Variants in CSMD1 observed in about 807,000 individuals in gnomAD.
CSMD1 encodes the protein CUB and Sushi multiple domains 1.
CSMD1 carries 213 observed loss-of-function variants against 417.5 expected under a neutral mutation model. The observed-to-expected ratio is 0.51, with a 90% CI of 0.46 to 0.57. CSMD1 has a LOEUF of 0.57. Ranked by LOEUF, CSMD1 falls within the 20% of genes least tolerant of loss-of-function variation. The probability of loss-of-function intolerance (pLI) is 0.00; values close to 1 mark genes in which losing one functional copy is unlikely to be tolerated. For synonymous variants in CSMD1, 2,862 were observed against 1,736.8 expected (o/e 1.65, Z -16.11); for missense variants, 6,923 against 4,529.7 (o/e 1.53, Z -15.17).
chr8:3,742,366 C>T (rs1372958184), intron 6 of CSMD1, among the ~76,000 whole-genome samples: 2 of 152,028 alleles, frequency 1.3e-5, no homozygotes, highest in African/African-American at 2.4e-5. Context: ...GAATCTGACC[C>T]GAATATTTTT....
chr8:3,474,643 A>G lies in CSMD1; in HGVS notation c.1449-5819T>C, dbSNP rs1320743343. ...ATGCTTAGGAACTTAACTCTTGTTT[A>G]TATCAATTAGCCTAAGGGGAAATTG... On this transcript the variant is annotated intron_variant, in intron 11 of 69. Coordinates refer to ENST00000635120, the MANE Select transcript of CSMD1 (RefSeq NM_033225.6). Among the ~76,000 whole-genome samples, 3 of 152,198 alleles carry G rather than the reference A, an allele frequency of 2.0e-5. No homozygotes were observed. The East Asian group carries it at 5.8e-4, about 29-fold the overall frequency.
intron 1 of CSMD1, among the ~76,000 whole-genome samples, chr8:4,727,583 C>T (rs1016115689): frequency 4.6e-5 from 7 of 152,122 alleles, no homozygotes; most frequent in Admixed American, 3.9e-4. Context: ...TATTTTCTTA[C>T]CTAACGTCTT....
At chr8:4,705,575 G>A (rs1337627939) in intron 1 of CSMD1, among the ~76,000 whole-genome samples, 4 of 152,210 alleles carry the variant, frequency 2.6e-5, no homozygotes, top group Middle Eastern at 6.8e-3. Flanking sequence ...TTGACTGAAA[G>A]GCAGGAGTAC....
chr8:4,010,739 C>G lies in CSMD1; in HGVS notation c.611-12629G>C, dbSNP rs143532871. On this transcript the variant is annotated intron_variant, in intron 4 of 69. Coordinates refer to ENST00000635120, the MANE Select transcript of CSMD1 (RefSeq NM_033225.6). ...TATCATGTCCTCATCTCTTGTCTTACCATCCTTAGGGCTCATGGCCTAATG... is the reference window on the plus strand; with the variant it reads ...TATCATGTCCTCATCTCTTGTCTTAGCATCCTTAGGGCTCATGGCCTAATG... Among the ~76,000 whole-genome samples, 4 of 152,272 alleles carry G rather than the reference C, an allele frequency of 2.6e-5. No individual in the cohort carries two copies. In the East Asian group the frequency reaches 7.7e-4, roughly 29 times the overall value.
intron 15 of CSMD1, among the ~76,000 whole-genome samples, chr8:3,405,386 A>T (rs1036380424): frequency 6.6e-6 from 1 of 152,198 alleles, no homozygotes; most frequent in African/African-American, 2.4e-5. Context: ...TATTTATTAG[A>T]TAAGTAACCA....
At chr8:3,463,025 G>A (rs1816606396) in intron 12 of CSMD1, among the ~76,000 whole-genome samples, 1 of 152,208 alleles carries the variant, frequency 6.6e-6, no homozygotes, top group South Asian at 2.1e-4. Flanking sequence ...CGCCATCTAT[G>A]AACCAGGAAA....
At chr8:4,492,148 G>T (rs993989208) in intron 2 of CSMD1, among the ~76,000 whole-genome samples, 1 of 152,272 alleles carries the variant, frequency 6.6e-6, no homozygotes, top group Non-Finnish European at 1.5e-5. Context: ...CCACGCTAGA[G>T]CACAGGAGTG....
At chr8:4,823,745 A>C (rs1799649585) in intron 1 of CSMD1, among the ~76,000 whole-genome samples, 1 of 152,016 alleles carries the variant, frequency 6.6e-6, no homozygotes, top group Non-Finnish European at 1.5e-5. Context: ...TGAGTTGAAA[A>C]ACTTAGCCAG....
intron 25 of CSMD1, among the ~76,000 whole-genome samples, chr8:3,293,963 A>G (rs1156458439): frequency 2.0e-5 from 3 of 151,782 alleles, no homozygotes; most frequent in East Asian, 3.9e-4. Context: ...GGTTTTATCT[A>G]CCTTTGGTCT....
chr8:4,461,780 A>G (rs1328922359), intron 2 of CSMD1, among the ~76,000 whole-genome samples: 7 of 138,394 alleles, frequency 5.1e-5, no homozygotes, highest in East Asian at 2.1e-4. Flanking sequence ...TCGCTCTGTC[A>G]CCCAGGCTGG....
chr8:4,364,316 A>C (rs1019344331), intron 3 of CSMD1, among the ~76,000 whole-genome samples: 1 of 152,224 alleles, frequency 6.6e-6, no homozygotes, highest in African/African-American at 2.4e-5. Flanking sequence ...CCTCTTGATA[A>C]GACTAGGGCC....
chr8:3,503,390 C>A (rs1010832279), intron 10 of CSMD1, among the ~76,000 whole-genome samples: 13 of 152,358 alleles, frequency 8.5e-5, no homozygotes, highest in Middle Eastern at 3.4e-3. Context: ...TACAAAAAGT[C>A]AAAGCTGCTA....
chr8:4,017,113 G>A (rs1340297729), intron 4 of CSMD1, among the ~76,000 whole-genome samples: 1 of 152,188 alleles, frequency 6.6e-6, no homozygotes, highest in Non-Finnish European at 1.5e-5. Context: ...AGCCAGCCTT[G>A]CTGGACGCTC....
intron 3 of CSMD1, among the ~76,000 whole-genome samples, chr8:4,229,199 G>A (rs1344228231): frequency 6.6e-6 from 1 of 152,078 alleles, no homozygotes; most frequent in Non-Finnish European, 1.5e-5. Flanking sequence ...CTCCTTTTCT[G>A]TCAAATACCA....
At chr8:4,402,190 G>C (rs1056884189) in intron 3 of CSMD1, among the ~76,000 whole-genome samples, 2 of 151,972 alleles carry the variant, frequency 1.3e-5, no homozygotes, top group African/African-American at 4.8e-5. Flanking sequence ...CTCCAAAATT[G>C]CGACTTTCTG....
chr8:3,708,066 A>C (rs1801277973), intron 7 of CSMD1, among the ~76,000 whole-genome samples: 1 of 152,212 alleles, frequency 6.6e-6, no homozygotes, highest in Non-Finnish European at 1.5e-5. Flanking sequence ...TCCTTTGCAG[A>C]GATCAGTCTG....
chr8:4,953,742 T>G (rs943303977), intron 1 of CSMD1, among the ~76,000 whole-genome samples: 40 of 152,256 alleles, frequency 2.6e-4, no homozygotes, highest in African/African-American at 7.9e-4. Flanking sequence ...TGGATGGAGA[T>G]CAATACCTGT....
intron 4 of CSMD1, among the ~76,000 whole-genome samples, chr8:4,027,664 T>C (rs187632151): frequency 6.6e-6 from 1 of 152,168 alleles, no homozygotes; most frequent in Non-Finnish European, 1.5e-5. Context: ...TTCTTCATAG[T>C]AGCATGATAA....
intron 5 of CSMD1, among the ~76,000 whole-genome samples, chr8:3,902,540 G>A (rs1304077853): frequency 6.6e-6 from 1 of 152,050 alleles, no homozygotes; most frequent in Non-Finnish European, 1.5e-5. Context: ...CTCACAAGGA[G>A]CTCACAACCT....
Sources: gnomAD v4.1 joint callset for allele counts (sites outside exome capture counted in the v4.1 genomes callset) on GRCh38, gnomAD v4.1.1 for gene constraint, MANE v1.5 for transcripts, NCBI Gene and HGNC (gene_info 2026-07-23, HGNC 2026-07-21) for gene names.